DPP6: variants seen among roughly 807,000 people sequenced by gnomAD.
The protein encoded by DPP6 is A-type potassium channel modulatory protein DPP6.
In DPP6, 69 loss-of-function variants were observed where a neutral mutation model predicts 122.6. That is an observed-to-expected ratio of 0.56 (90% confidence interval 0.46 to 0.69). The LOEUF is 0.69. Among genes scored for constraint, DPP6 ranks in the 30% least tolerant of loss-of-function variants. DPP6 has a pLI of 0.00. For missense variants in DPP6, 928 were observed against 1,116.9 expected (o/e 0.83, Z 2.41); for synonymous variants, 418 against 433.1 (o/e 0.97, Z 0.43).
intron 1 of DPP6, among the ~76,000 whole-genome samples, chr7:154,026,099 T>C (rs1290282912): frequency 6.7e-6 from 1 of 149,774 alleles, no homozygotes; most frequent in African/African-American, 2.5e-5. Flanking sequence ...AATGCCTGCT[T>C]TTGCTTTGGG....
At chr7:153,866,162 T>A in the DPP6 span, among the ~76,000 whole-genome samples, 1 of 152,088 alleles carries the variant, frequency 6.6e-6, no homozygotes, top group African/African-American at 2.4e-5. Flanking sequence ...CTTAGGGTAT[T>A]TACCCAGTAA....
intron 3 of DPP6, among the ~76,000 whole-genome samples, chr7:154,535,692 A>C (rs1461611892): frequency 3.9e-5 from 6 of 152,106 alleles, no homozygotes; most frequent in Non-Finnish European, 7.4e-5. Flanking sequence ...TTGTAAAAAA[A>C]AAAAAATTAA....
rs151195090 is a variant in DPP6 at position 154,249,471 on chromosome 7, G to A, written c.243+196408G>A. ...CAAATAATTACTCTTGCAAACATCCGGTGTTCTGCCTTTCTCTCTAAGATA... is the reference window on the plus strand; with the variant it reads ...CAAATAATTACTCTTGCAAACATCCAGTGTTCTGCCTTTCTCTCTAAGATA... On this transcript the variant is annotated intron_variant, in intron 1 of 25. Transcript: ENST00000377770. 2.6e-4 allele frequency among the ~76,000 whole-genome samples: 40 copies of A among 152,228 alleles called. 1 individual carries two copies. In the East Asian group the frequency reaches 7.3e-3, roughly 28 times the overall value.
chr7:154,358,228 C>T (rs1007803618), intron 1 of DPP6, among the ~76,000 whole-genome samples: 7 of 152,272 alleles, frequency 4.6e-5, no homozygotes, highest in East Asian at 1.9e-4. Context: ...CCTGCTCAGC[C>T]GTGCAGCCTA....
chr7:154,093,595 ACCC>A, intron 1 of DPP6: 2 of 136,082 alleles, frequency 1.5e-5, no homozygotes, highest in Admixed American at 1.5e-4. Flanking sequence ...CACACACCAT[ACCC>A]CACACACACA....
intron 1 of DPP6, among the ~76,000 whole-genome samples, chr7:154,118,598 T>A (rs1807173283): frequency 6.6e-6 from 1 of 150,684 alleles, no homozygotes; most frequent in East Asian, 1.9e-4. Flanking sequence ...GGGAAATACT[T>A]ATGTCCGTGG....
intron 10 of DPP6, among the ~76,000 whole-genome samples, chr7:154,792,388 A>G (rs1797737046): frequency 6.6e-6 from 1 of 152,302 alleles, no homozygotes; most frequent in African/African-American, 2.4e-5. Flanking sequence ...ATTAAAAAAT[A>G]AAAGTGTTCT....
chr7:154,148,989 G>T (rs1483152418), intron 1 of DPP6, among the ~76,000 whole-genome samples: 1 of 152,200 alleles, frequency 6.6e-6, no homozygotes, highest in Non-Finnish European at 1.5e-5. Context: ...GCAGATGGGG[G>T]TTTAGCTAGA....
chr7:154,171,973 C>T (rs906050253), intron 1 of DPP6, among the ~76,000 whole-genome samples: 2 of 152,130 alleles, frequency 1.3e-5, no homozygotes, highest in Non-Finnish European at 2.9e-5. Context: ...CAGTATTACT[C>T]TCCTGTTACA....
At chr7:153,971,063 A>G (rs550741464) in intron 1 of DPP6, among the ~76,000 whole-genome samples, 8 of 152,164 alleles carry the variant, frequency 5.3e-5, no homozygotes, top group Non-Finnish European at 7.4e-5. Flanking sequence ...CTATACATCA[A>G]TTTTGGGAGA....
chr7:154,104,879 A>G (rs930615974), intron 1 of DPP6, among the ~76,000 whole-genome samples: 2 of 151,544 alleles, frequency 1.3e-5, no homozygotes, highest in Non-Finnish European at 2.9e-5. Flanking sequence ...GTGTGCCTAC[A>G]TAACAAACAC....
At chr7:153,892,651 C>CA (rs1286049313) in intron 1 of DPP6, among the ~76,000 whole-genome samples, 47 of 152,206 alleles carry the variant, frequency 3.1e-4, no homozygotes, top group African/African-American at 1.1e-3. Context: ...AGGAGTGTGG[C>CA]CTTCAGTAAT....
At chr7:154,196,672 G>A (rs1043995110) in intron 1 of DPP6, among the ~76,000 whole-genome samples, 11 of 152,174 alleles carry the variant, frequency 7.2e-5, no homozygotes, top group Admixed American at 1.3e-4. Context: ...CTGGCCATGA[G>A]CCAGTTGCCC....
At chr7:154,669,322 C>A (rs1444666307) in intron 6 of DPP6, 38 bp from the exon 7 acceptor site, 3 of 1,551,620 alleles carry the variant, frequency 1.9e-6, no homozygotes, top group Non-Finnish European at 2.6e-6. Flanking sequence ...TGGTTCCCAA[C>A]ATTTTGCTTT....
intron 6 of DPP6, among the ~76,000 whole-genome samples, chr7:154,662,133 G>A (rs2131053303): frequency 6.6e-6 from 1 of 151,028 alleles, no homozygotes; most frequent in African/African-American, 2.4e-5. Context: ...TATTCATATA[G>A]TCATGGTGAA....
At chr7:154,581,363 G>C (rs966256898) in intron 5 of DPP6, among the ~76,000 whole-genome samples, 1 of 152,100 alleles carries the variant, frequency 6.6e-6, no homozygotes, top group Non-Finnish European at 1.5e-5. Flanking sequence ...AGGAAGAAGG[G>C]GACAGAAGAG....
At chr7:154,547,107 G>A (rs1230111295) in intron 4 of DPP6, among the ~76,000 whole-genome samples, 1 of 152,200 alleles carries the variant, frequency 6.6e-6, no homozygotes, top group African/African-American at 2.4e-5. Flanking sequence ...GAACAGGCTG[G>A]CCCCCGGGAA....
intron 1 of DPP6, among the ~76,000 whole-genome samples, chr7:154,299,230 C>T (rs536129233): frequency 6.6e-6 from 1 of 152,350 alleles, no homozygotes; most frequent in African/African-American, 2.4e-5. Flanking sequence ...GCCCACGGCT[C>T]CTTGCCCCGG....
At chr7:154,411,146 G>T (rs1211951254) in intron 1 of DPP6, among the ~76,000 whole-genome samples, 1 of 152,254 alleles carries the variant, frequency 6.6e-6, no homozygotes, top group Non-Finnish European at 1.5e-5. Context: ...GTTTAGTAGA[G>T]ATGTCACAGA....
Sources: gnomAD v4.1 joint callset for allele counts (sites outside exome capture counted in the v4.1 genomes callset) on GRCh38, gnomAD v4.1.1 for gene constraint, MANE v1.5 for transcripts, NCBI Gene and HGNC (gene_info 2026-07-23, HGNC 2026-07-21) for gene names.